Variants in EVI5 observed in about 807,000 individuals in gnomAD.
EVI5 encodes ecotropic viral integration site 5 protein homolog.
EVI5 carries 73 observed loss-of-function variants against 112.0 expected under a neutral mutation model. The observed-to-expected ratio is 0.65, with a 90% CI of 0.54 to 0.79. EVI5 has a LOEUF of 0.79. EVI5 is among the 30% of genes least tolerant of loss of function. The pLI is 0.00. For missense variants in EVI5, 900 were observed against 968.8 expected (o/e 0.93, Z 0.94); for synonymous variants, 305 against 319.9 (o/e 0.95, Z 0.50).
At chr1:92,675,839 C>CCAGCTACTT (rs1182480771) in intron 10 of EVI5, among the ~76,000 whole-genome samples, 1 of 151,432 alleles carries the variant, frequency 6.6e-6, no homozygotes, top group African/African-American at 2.4e-5. Context: ...GCCTGTAGTC[C>CCAGCTACTT]CAGCTACTTG....
At chr1:92,715,097 C>G (rs1673419399) in intron 2 of EVI5, among the ~76,000 whole-genome samples, 2 of 152,074 alleles carry the variant, frequency 1.3e-5, no homozygotes, top group South Asian at 4.2e-4. Flanking sequence ...CCTCCGCCTC[C>G]CAGGTTCAAA....
chr1:92,731,218 G>C (rs999473657), intron 2 of EVI5, among the ~76,000 whole-genome samples: 1 of 152,088 alleles, frequency 6.6e-6, no homozygotes, highest in Non-Finnish European at 1.5e-5. Flanking sequence ...AGCTACTCAG[G>C]AGGCTGAGGG....
intron 19 of EVI5, among the ~76,000 whole-genome samples, chr1:92,515,237 TCTGA>T (rs1459507493): frequency 6.6e-6 from 1 of 152,238 alleles, no homozygotes; most frequent in African/African-American, 2.4e-5. Flanking sequence ...GGTGGGCAAG[TCTGA>T]CTAATTCTAG....
chr1:92,580,290 A>T (rs1168401640), intron 18 of EVI5, among the ~76,000 whole-genome samples: 2 of 152,324 alleles, frequency 1.3e-5, no homozygotes, highest in East Asian at 3.9e-4. Context: ...AATCTTTTGC[A>T]ATTGTCTGCT....
chr1:92,664,871 A>G (rs921343010), intron 11 of EVI5, among the ~76,000 whole-genome samples: 3 of 152,176 alleles, frequency 2.0e-5, no homozygotes, highest in African/African-American at 7.2e-5. Context: ...CAATATGATG[A>G]GGGGTATGTT....
chr1:92,559,273 T>C (rs568695833), intron 19 of EVI5, among the ~76,000 whole-genome samples: 1 of 152,340 alleles, frequency 6.6e-6, no homozygotes, highest in South Asian at 2.1e-4. Context: ...TTGAATCCAC[T>C]GATGCAAAAT....
intron 13 of EVI5, among the ~76,000 whole-genome samples, chr1:92,660,934 T>C (rs1291505804): frequency 1.3e-5 from 2 of 152,022 alleles, no homozygotes; most frequent in Non-Finnish European, 2.9e-5. Flanking sequence ...TTATTACATA[T>C]AAATTATACT....
In EVI5 at chr1:92,736,521, G is replaced by C. The variant is rs2102816809; in HGVS notation, c.26C>G (p.Ser9Cys). ...TGAGGATGTGGTATGTAATGAAGTA[G>C]ATGGACTTGCCACCTGACTGGCCAT... MASQVASP[S>C]TSLHTTSSST... Residue 9 changes from serine to cysteine, a missense_variant, in exon 2 of 20, where the codon TCT becomes TGT. Transcript: ENST00000684568. 6.2e-7 allele frequency: 1 copy of C among 1,613,844 alleles called. No individual in the cohort carries two copies. The highest frequency in any genetic ancestry group is 8.5e-7 in the Non-Finnish European group (1 of 1,179,770).
At chr1:92,567,768 TAC>T (rs1669722754) in intron 18 of EVI5, among the ~76,000 whole-genome samples, 1 of 152,230 alleles carries the variant, frequency 6.6e-6, no homozygotes, top group African/African-American at 2.4e-5. Context: ...TAATATCAGA[TAC>T]AGTTATCTAA....
intron 10 of EVI5, among the ~76,000 whole-genome samples, chr1:92,675,082 C>T (rs1666497541): frequency 6.6e-6 from 1 of 152,234 alleles, no homozygotes; most frequent in African/African-American, 2.4e-5. Context: ...GTGGCTCATG[C>T]CTGTAATCCC....
At chr1:92,670,854 T>C (rs774185340) in intron 10 of EVI5, among the ~76,000 whole-genome samples, 27 of 152,150 alleles carry the variant, frequency 1.8e-4, no homozygotes, top group African/African-American at 6.3e-4. Flanking sequence ...TTTTTGCCCA[T>C]ATATTTTGAT....
rs1326596825 is a variant in EVI5 at position 92,550,789 on chromosome 1, T to TA, written c.2166+12852dup. Among the ~76,000 whole-genome samples the TA allele has an allele frequency of 5.4e-5, 4 of 73,976 alleles. 1 individual carries two copies. Among genetic ancestry groups the TA allele is most frequent in the African/African-American group, 2.5e-4 (4 of 16,012 alleles). The allele number at this position is 73,976 out of a possible 152,430, so 48.5% of individuals were successfully genotyped here. A position where few individuals can be genotyped will look rare whatever the true frequency, so the allele number is the denominator to read the frequency against. The stretch of plus-strand genomic sequence containing the variant: ...AAAAAAAAAAAAAAAAAAATATATA[T>TA]ATATATATATATATATATATATATA... On this transcript the variant is annotated intron_variant, in intron 19 of 19. Transcript: ENST00000684568.
rs1676873804 is a variant in EVI5 at position 92,733,710 on chromosome 1, T to G, written c.149+2688A>C. ...TACAGGCGTGAGACACAGCACCCGG[T>G]CTACATTATCAGCTTTCTATTAAAT... On this transcript the variant is annotated intron_variant, in intron 2 of 19. Coordinates refer to ENST00000684568, the MANE Select transcript of EVI5 (RefSeq NM_001350197.2). Among the ~76,000 whole-genome samples the G allele has an allele frequency of 2.6e-5, 4 of 152,150 alleles. No homozygotes were observed. In the South Asian group the frequency reaches 8.3e-4, roughly 32 times the overall value.
intron 1 of EVI5, among the ~76,000 whole-genome samples, chr1:92,790,306 C>T (rs1318876832): frequency 1.3e-5 from 2 of 151,936 alleles, no homozygotes; most frequent in East Asian, 3.9e-4. Context: ...GGGGCCCTGT[C>T]TCAAAAATAA....
At chr1:92,755,386 G>C (rs1188347136) in intron 1 of EVI5, among the ~76,000 whole-genome samples, 1 of 152,038 alleles carries the variant, frequency 6.6e-6, no homozygotes, top group Non-Finnish European at 1.5e-5. Context: ...ACTCCAGCCT[G>C]GGCGACACAG....
intron 19 of EVI5, among the ~76,000 whole-genome samples, chr1:92,521,150 C>T (rs750287193): frequency 1.9e-4 from 29 of 151,870 alleles, no homozygotes; most frequent in South Asian, 6.2e-4. Context: ...TCTTTACAGA[C>T]GGAGTTTCGC....
In EVI5 at chr1:92,739,273, C is replaced by CAAAA. The variant is rs72016918; in HGVS notation, c.-81-2650_-81-2647dup. ...GAGCAACAAAAGCGAAACTCCGTCT[C>CAAAA]AAAAAAAAAAAAAAAAAAAGCGAAC... On this transcript the variant is annotated intron_variant, in intron 1 of 19. Coordinates refer to ENST00000684568, the MANE Select transcript of EVI5 (RefSeq NM_001350197.2). Among the ~76,000 whole-genome samples, 658 of 76,154 alleles carry CAAAA rather than the reference C, an allele frequency of 8.6e-3. 50 individuals carry two copies. The highest frequency in any genetic ancestry group is 0.015 in the African/African-American group (285 of 18,814). 50.0% of individuals were successfully genotyped at this position (76,154 alleles called of 152,430 possible). A position where few individuals can be genotyped will look rare whatever the true frequency, so the allele number is the denominator to read the frequency against.
chr1:92,681,905 C>T (rs1208257281), intron 9 of EVI5, among the ~76,000 whole-genome samples: 1 of 152,110 alleles, frequency 6.6e-6, no homozygotes, highest in Non-Finnish European at 1.5e-5. Flanking sequence ...ACCCCTAGCA[C>T]CCTACCATGT....
chr1:92,712,268 C>G (rs1672960461), intron 2 of EVI5, among the ~76,000 whole-genome samples: 1 of 152,016 alleles, frequency 6.6e-6, no homozygotes, highest in Admixed American at 6.5e-5. Context: ...GGAATTAGGA[C>G]AGGAAACAAC....
Sources: gnomAD v4.1 joint callset for allele counts (sites outside exome capture counted in the v4.1 genomes callset) on GRCh38, gnomAD v4.1.1 for gene constraint, MANE v1.5 for transcripts, NCBI Gene and HGNC (gene_info 2026-07-23, HGNC 2026-07-21) for gene names.